The following PCDHA13 variants were observed in gnomAD, a reference collection of about 807,000 sequenced individuals.
PCDHA13 encodes protocadherin alpha-13.
Under a neutral mutation model 64.8 loss-of-function variants are expected in PCDHA13, and 54 were observed. The ratio of observed to expected loss-of-function variants is 0.83; its 90% confidence interval spans 0.67 to 1.04. The LOEUF is 1.04. PCDHA13 is among the 50% of genes least tolerant of loss of function. PCDHA13 has a pLI of 0.00. For missense variants in PCDHA13, 1,248 were observed against 1,254.3 expected (o/e 0.99, Z 0.08); for synonymous variants, 587 against 564.4 (o/e 1.04, Z -0.57).
At chr5:140,929,104 A>G in intron 1 of PCDHA13, 1 of 1,614,240 alleles carries the variant, frequency 6.2e-7, no homozygotes. Flanking sequence ...TCCTTGCATG[A>G]CATCAGCCAC....
In PCDHA13 at chr5:140,894,570, T is replaced by G. The variant is rs558111947; in HGVS notation, c.2394+9908T>G. ...TTTACTTCTGAAAAAATTATTTTCC[T>G]TTTTTTTAATATTTTACTGAGTTTT... On this transcript the variant is annotated intron_variant, in intron 1 of 3. Coordinates refer to ENST00000289272, the MANE Select transcript of PCDHA13 (RefSeq NM_018904.3). Among the ~76,000 whole-genome samples the G allele has an allele frequency of 1.5e-4, 23 of 151,856 alleles. No individual in the cohort carries two copies. The South Asian group carries it at 4.4e-3, about 29-fold the overall frequency.
intron 1 of PCDHA13, among the ~76,000 whole-genome samples, chr5:140,887,272 AT>A (rs2061386056): frequency 6.6e-6 from 1 of 151,690 alleles, no homozygotes; most frequent in South Asian, 2.1e-4. Context: ...AATTTTTTGT[AT>A]TTTTAGTAGA....
At chr5:140,895,922 T>G (rs1301725770) in intron 1 of PCDHA13, among the ~76,000 whole-genome samples, 1 of 152,190 alleles carries the variant, frequency 6.6e-6, no homozygotes, top group African/African-American at 2.4e-5. Context: ...ACAATTATCC[T>G]GCCTCAGCCT....
At chr5:140,909,269 A>G (rs1554193726) in intron 1 of PCDHA13, among the ~76,000 whole-genome samples, 1 of 152,240 alleles carries the variant, frequency 6.6e-6, no homozygotes, top group Admixed American at 6.5e-5. Context: ...CTGAAGGCAA[A>G]TTGCTTCTGG....
intron 1 of PCDHA13, among the ~76,000 whole-genome samples, chr5:140,900,040 G>A (rs1407235485): frequency 4.6e-5 from 7 of 152,046 alleles, no homozygotes; most frequent in Non-Finnish European, 8.8e-5. Flanking sequence ...GAATTCCTGG[G>A]CTCAAGTGAT....
intron 1 of PCDHA13, among the ~76,000 whole-genome samples, chr5:140,954,517 A>G (rs1554221451): frequency 6.6e-6 from 1 of 152,182 alleles, no homozygotes; most frequent in Non-Finnish European, 1.5e-5. Flanking sequence ...TTACCTAATG[A>G]TCAGTGATGT....
intron 2 of PCDHA13, among the ~76,000 whole-genome samples, chr5:140,981,529 G>A (rs1014315292): frequency 3.9e-5 from 6 of 152,196 alleles, no homozygotes; most frequent in East Asian, 1.9e-4. Flanking sequence ...AGCTGAGATC[G>A]TGCCACTGTA....
chr5:140,882,545 G>C lies in PCDHA13; in HGVS notation c.277G>C (p.Glu93Gln), dbSNP rs1174281421. Residue 93 changes from glutamate (E) to glutamine (Q), a missense_variant, in exon 1 of 4, where the codon GAG becomes CAG. Physicochemically the swap from Glu to Gln is conservative, Grantham distance 29. Coordinates refer to ENST00000289272, the MANE Select transcript of PCDHA13 (RefSeq NM_018904.3). ...ILFVNSRIDREELCGRSAECS... is the reference protein window; with the variant it reads ...ILFVNSRIDRQELCGRSAECS... ...GTTTGTGAATTCTCGGATCGACCGC[G>C]AGGAGCTGTGTGGGCGGAGCGCGGA... 6.2e-7 allele frequency: 1 copy of C among 1,614,120 alleles called. No homozygotes were observed. Among genetic ancestry groups the C allele is most frequent in the African/African-American group, 1.3e-5 (1 of 74,944 alleles).
At chr5:140,969,608 CAG>C in intron 1 of PCDHA13, 1 of 747,330 alleles carries the variant, frequency 1.3e-6, no homozygotes, top group South Asian at 2.1e-5. Flanking sequence ...TGCTAAAACA[CAG>C]ATTTGTAGAG....
chr5:140,898,284 T>C (rs2066636432), intron 1 of PCDHA13, among the ~76,000 whole-genome samples: 1 of 152,254 alleles, frequency 6.6e-6, no homozygotes, highest in South Asian at 2.1e-4. Flanking sequence ...TTCTGAATGG[T>C]AATGCCTAGG....
intron 1 of PCDHA13, 101 bp downstream of exon 1, chr5:140,884,763 CT>C (rs1206964755): frequency 1.9e-5 from 27 of 1,421,678 alleles, no homozygotes; most frequent in Non-Finnish European, 2.4e-5. Context: ...TTATTCTTTA[CT>C]TTAATTTTAA....
At chr5:140,941,042 T>C (rs532611705) in intron 1 of PCDHA13, among the ~76,000 whole-genome samples, 11 of 152,310 alleles carry the variant, frequency 7.2e-5, no homozygotes, top group African/African-American at 2.2e-4. Context: ...TGGTGCCAAG[T>C]CAAATTCCCC....
intron 1 of PCDHA13, among the ~76,000 whole-genome samples, chr5:140,886,721 G>A (rs2061104522): frequency 6.6e-6 from 1 of 151,592 alleles, no homozygotes; most frequent in Non-Finnish European, 1.5e-5. Context: ...AGCTACTTGG[G>A]AGGCTGAAGC....
intron 1 of PCDHA13, among the ~76,000 whole-genome samples, chr5:140,897,588 T>C (rs1554187466): frequency 6.6e-6 from 1 of 152,172 alleles, no homozygotes; most frequent in African/African-American, 2.4e-5. Flanking sequence ...CAGTCTGTCA[T>C]TGTTGGACAT....
rs2098422801 is a variant in PCDHA13, at chr5:141,012,055, C to T, written c.*2118C>T. On this transcript the variant is annotated 3_prime_UTR_variant, in exon 4 of 4. Coordinates refer to ENST00000289272, the MANE Select transcript of PCDHA13 (RefSeq NM_018904.3). ...GGATTGCATGGGGTAAAACTTGTTA[C>T]CAACACATGTGAACCATTGCTACAT... The T allele has an allele frequency of 6.5e-6, 1 of 153,666 alleles. No individual in the cohort carries two copies. Among genetic ancestry groups the T allele is most frequent in the African/African-American group, 2.4e-5 (1 of 41,404 alleles). 9.5% of individuals were successfully genotyped at this position (153,666 alleles called of 1,614,324 possible).
At chr5:140,983,807 G>GT (rs1418454252) in intron 3 of PCDHA13, among the ~76,000 whole-genome samples, 1 of 152,100 alleles carries the variant, frequency 6.6e-6, no homozygotes, top group East Asian at 1.9e-4. Flanking sequence ...TGTGTAAAAG[G>GT]TTTTTTCCCA....
chr5:140,883,071 A>T lies in PCDHA13; in HGVS notation c.803A>T (p.Asp268Val). The stretch of plus-strand genomic sequence containing the variant: ...TTAGTGATCAAGCTAAATGCCACAG[A>T]TCCTGATGATGGTACAAATGGAGAT... ...GTLVIKLNAT[D>V]PDDGTNGDIV... The change falls in exon 1 of 4, where the codon GAT becomes GTT. Residue 268 changes from aspartate to valine, a missense_variant. By Grantham distance (152) the Asp-to-Val change is radical. Coordinates refer to ENST00000289272, the MANE Select transcript of PCDHA13 (RefSeq NM_018904.3). The T allele has an allele frequency of 6.2e-7, 1 of 1,614,116 alleles. No individual in the cohort carries two copies. Among genetic ancestry groups the T allele is most frequent in the Non-Finnish European group, 8.5e-7 (1 of 1,180,016 alleles).
chr5:140,967,749 C>G (rs1554229896), intron 1 of PCDHA13: 1 of 1,614,172 alleles, frequency 6.2e-7, no homozygotes, highest in Non-Finnish European at 8.5e-7. Context: ...TATGAGGAAG[C>G]CTCCTCCTAC....
intron 1 of PCDHA13, among the ~76,000 whole-genome samples, chr5:140,888,393 C>T (rs1554183447): frequency 1.3e-5 from 2 of 152,156 alleles, no homozygotes; most frequent in African/African-American, 4.8e-5. Context: ...CTGCTAAACA[C>T]CATCCAATTG....
Sources: allele counts gnomAD v4.1 joint callset (sites outside exome capture counted in the v4.1 genomes callset), GRCh38; gene constraint gnomAD v4.1.1; transcripts MANE v1.5; gene names NCBI Gene and HGNC (gene_info 2026-07-23, HGNC 2026-07-21).